CAMSAP1: variants seen among roughly 807,000 people sequenced by gnomAD.
The protein encoded by CAMSAP1 is calmodulin-regulated spectrin-associated protein 1.
Under a neutral mutation model 143.5 loss-of-function variants are expected in CAMSAP1, and 58 were observed. The observed-to-expected ratio is 0.40, with a 90% CI of 0.33 to 0.50. The LOEUF is 0.50. CAMSAP1 is among the 20% of genes least tolerant of loss of function. CAMSAP1 has a pLI of 0.45. For missense variants in CAMSAP1, 1,969 were observed against 2,115.7 expected (o/e 0.93, Z 1.36); for synonymous variants, 945 against 859.3 (o/e 1.10, Z -1.74).
At chr9:135,813,662 T>C (rs1055297382) in intron 16 of CAMSAP1, among the ~76,000 whole-genome samples, 2 of 152,182 alleles carry the variant, frequency 1.3e-5, no homozygotes, top group Admixed American at 1.3e-4. Context: ...TGGGCGGCCC[T>C]TGGTGGGCAC....
intron 7 of CAMSAP1, among the ~76,000 whole-genome samples, chr9:135,846,869 A>G (rs1305810880): frequency 1.3e-5 from 2 of 152,186 alleles, no homozygotes; most frequent in African/African-American, 2.4e-5. Context: ...CGATCATTAA[A>G]GTCAGGCAAC....
chr9:135,881,485 C>T, intron 3 of CAMSAP1, 148 bp downstream of exon 3: 1 of 893,146 alleles, frequency 1.1e-6, no homozygotes, highest in Non-Finnish European at 1.7e-6. Flanking sequence ...TTTTTAACTA[C>T]AGCAGACACA....
At chr9:135,904,389 AC>A (rs1262071729) in intron 1 of CAMSAP1, among the ~76,000 whole-genome samples, 1 of 116,334 alleles carries the variant, frequency 8.6e-6, no homozygotes, top group Non-Finnish European at 1.7e-5. Flanking sequence ...ACAGAGCGAG[AC>A]CCTGTCCTCC....
chr9:135,832,104 T>C (rs1003989239), intron 7 of CAMSAP1, among the ~76,000 whole-genome samples: 3 of 152,100 alleles, frequency 2.0e-5, no homozygotes, highest in Non-Finnish European at 2.9e-5. Context: ...AAGGCAGACA[T>C]AGACACCAGA....
At position 135,821,471 on chromosome 9, in the gene CAMSAP1, A is replaced by G; in HGVS notation, c.3190T>C (p.Ser1064Pro). The stretch of plus-strand genomic sequence containing the variant: ...GGTGCCTTCACTTTGTGGTCCTGCG[A>G]GTTATTCTTAGAGCCTGGCACTGGG... ...TVPVPGSKNN[S>P]QDHKVKAPVH... is the part of the protein sequence containing the mutation. Residue 1064 changes from serine to proline, a missense_variant, in exon 11 of 17, where the codon TCG becomes CCG. By Grantham distance (74) the Ser-to-Pro change is moderately conservative. Transcript: ENST00000389532. This position sits in a 1 kb window ranked among gnomAD's most constrained non-coding sequence, Gnocchi z 4.6. 6.2e-7 allele frequency: 1 copy of G among 1,613,948 alleles called. No individual in the cohort carries two copies. The highest frequency in any genetic ancestry group is 8.5e-7 in the Non-Finnish European group (1 of 1,179,874).
intron 5 of CAMSAP1, 54 bp from the exon 6 acceptor site, chr9:135,850,515 G>A: frequency 7.1e-7 from 1 of 1,402,552 alleles, no homozygotes; most frequent in Non-Finnish European, 9.6e-7. Context: ...TGCTTCGAGA[G>A]AGAGAGAAGC....
At chr9:135,841,159 G>T (rs1456617131) in intron 7 of CAMSAP1, among the ~76,000 whole-genome samples, 1 of 152,156 alleles carries the variant, frequency 6.6e-6, no homozygotes, top group Non-Finnish European at 1.5e-5. Context: ...CGAGCTTGGT[G>T]GGAGGAGGGA....
Position 135,824,863 on chromosome 9 carries a change from G to A in CAMSAP1, c.1241C>T (p.Ala414Val). 3 of 1,598,532 alleles carry A rather than the reference G, an allele frequency of 1.9e-6. No homozygotes were observed. Among genetic ancestry groups the A allele is most frequent in the Non-Finnish European group, 2.6e-6 (3 of 1,172,386 alleles). The change falls in exon 9 of 17, where the codon GCC becomes GTC. Residue 414 changes from alanine (A) to valine (V), a missense_variant. Transcript: ENST00000389532. This position sits in a 1 kb window ranked among gnomAD's most constrained non-coding sequence, Gnocchi z 4.1. ...EPEYLGKGTA[A>V]FSPSHPLLPL... is the part of the protein sequence containing the mutation. ...CAATAAAGGATGGGATGGGCTGAAG[G>A]CAGCAGTTCCTTTCCCGCTAAATGG...
Position 135,907,255 on chromosome 9 carries a change from C to T in CAMSAP1, c.-96G>A, listed in dbSNP as rs1361789829. ...CGGTGCGCCCCGAGCCACCACTCGG[C>T]CCCGCAGCCGGCCAGCCGGGAGGGG... On this transcript the variant is annotated 5_prime_UTR_variant, in exon 1 of 17. Transcript: ENST00000389532. The T allele has an allele frequency of 4.8e-6, 4 of 837,144 alleles. No individual in the cohort carries two copies. The highest frequency in any genetic ancestry group is 1.1e-4 in the South Asian group (2 of 18,550). The allele number at this position is 837,144 out of a possible 1,614,324, so 51.9% of individuals were successfully genotyped here. A position where few individuals can be genotyped will look rare whatever the true frequency, so the allele number is the denominator to read the frequency against.
At chr9:135,900,958 T>C (rs1187545136) in intron 1 of CAMSAP1, among the ~76,000 whole-genome samples, 1 of 152,010 alleles carries the variant, frequency 6.6e-6, no homozygotes, top group Non-Finnish European at 1.5e-5. Flanking sequence ...TTCACCATGT[T>C]GGCCGGGCTG....
chr9:135,883,708 T>A (rs1055818668), intron 1 of CAMSAP1, among the ~76,000 whole-genome samples: 1 of 152,190 alleles, frequency 6.6e-6, no homozygotes, highest in South Asian at 2.1e-4. Flanking sequence ...CCAGGCAGCA[T>A]CAAACTCTTG....
chr9:135,850,268 A>T, intron 6 of CAMSAP1, 35 bp from the exon 7 acceptor site: 1 of 1,613,080 alleles, frequency 6.2e-7, no homozygotes, highest in South Asian at 1.1e-5. Context: ...AAGTATGATA[A>T]GCAGTTTATT....
intron 4 of CAMSAP1, among the ~76,000 whole-genome samples, chr9:135,863,289 A>C (rs1837263211): frequency 6.6e-6 from 1 of 152,192 alleles, no homozygotes; most frequent in Non-Finnish European, 1.5e-5. Context: ...TCAAACCCTC[A>C]GATCTGCCCC....
chr9:135,813,514 T>A (rs1285348949), intron 16 of CAMSAP1, among the ~76,000 whole-genome samples: 1 of 152,218 alleles, frequency 6.6e-6, no homozygotes, highest in Non-Finnish European at 1.5e-5. Context: ...AAACATTTAA[T>A]TTGTAGCGAC....
At position 135,822,730 on chromosome 9, in the gene CAMSAP1, C is replaced by A. The variant is rs369094948; in HGVS notation, c.1931G>T (p.Arg644Leu). ...PLVRRKMTGS[R>L]DLNRTFTPIP... is the part of the protein sequence containing the mutation. ...CGGGGTAAAAGTCCTATTCAAGTCG[C>A]GACTGCCAGTCATTTTCCTTCGTAC... The change falls in exon 11 of 17, where the codon CGC becomes CTC. Residue 644 changes from arginine (R) to leucine (L), a missense_variant. Arg to Leu is a moderately radical substitution (Grantham distance 102). Transcript: ENST00000389532. The surrounding 1 kb of genome is among the most constrained non-coding windows in gnomAD (Gnocchi z 6.1). 1 of 1,612,260 alleles carries A rather than the reference C, an allele frequency of 6.2e-7. No individual in the cohort carries two copies. The highest frequency in any genetic ancestry group is 1.7e-5 in the Admixed American group (1 of 59,848).
At chr9:135,865,490 C>T in intron 4 of CAMSAP1, 1 of 858,480 alleles carries the variant, frequency 1.2e-6, no homozygotes, top group South Asian at 1.6e-5. Flanking sequence ...CTCTGGTAAG[C>T]AAAGTCTTCT....
At chr9:135,866,882 A>G (rs1405745174) in intron 3 of CAMSAP1, among the ~76,000 whole-genome samples, 1 of 152,210 alleles carries the variant, frequency 6.6e-6, no homozygotes, top group Non-Finnish European at 1.5e-5. Flanking sequence ...AGCAAATGCC[A>G]CTTACAAAAC....
rs1477974401 is a variant in CAMSAP1, at chr9:135,821,854, G to A, written c.2807C>T (p.Ala936Val). ...CCCGTTGTGCTGAGAGTACTCCTTTGCAAAGTGCTCCGGCCTGAGGGGTGG... is the reference window on the plus strand; with the variant it reads ...CCCGTTGTGCTGAGAGTACTCCTTTACAAAGTGCTCCGGCCTGAGGGGTGG... Reference protein sequence around the residue: ...AAPPLRPEHFAKEYSQHNGED... With the variant: ...AAPPLRPEHFVKEYSQHNGED... The change falls in exon 11 of 17, where the codon GCA becomes GTA. Residue 936 changes from alanine to valine, a missense_variant. Ala to Val is a moderately conservative substitution (Grantham distance 64, BLOSUM62 0). Around this residue, in one of 4 missense-constraint regions of CAMSAP1, gnomAD observed 1,390 missense variants for 1,420.8 expected, o/e 0.98. Coordinates refer to ENST00000389532, the MANE Select transcript of CAMSAP1 (RefSeq NM_015447.4). This position sits in a 1 kb window ranked among gnomAD's most constrained non-coding sequence, Gnocchi z 4.6. 6.2e-6 allele frequency: 10 copies of A among 1,613,930 alleles called. No individual in the cohort carries two copies. The highest frequency in any genetic ancestry group is 8.5e-6 in the Non-Finnish European group (10 of 1,179,914).
At position 135,811,023 on chromosome 9, in the gene CAMSAP1, G is replaced by T. The variant is rs766452990; in HGVS notation, c.*286C>A. On this transcript the variant is annotated 3_prime_UTR_variant, in exon 17 of 17. Coordinates refer to ENST00000389532, the MANE Select transcript of CAMSAP1 (RefSeq NM_015447.4). The surrounding 1 kb of genome is among the most constrained non-coding windows in gnomAD (Gnocchi z 4.9). ...CCTGGCTGTGAACACCCTCCGCTGG[G>T]AGCCTCAGTGGTCAGCAGTGGCCAC... 4.6e-6 allele frequency: 2 copies of T among 432,526 alleles called. No individual in the cohort carries two copies. The highest frequency in any genetic ancestry group is 4.2e-6 in the Non-Finnish European group (1 of 239,850). 26.8% of individuals were successfully genotyped at this position (432,526 alleles called of 1,614,324 possible).
Sources: allele counts gnomAD v4.1 joint callset (sites outside exome capture counted in the v4.1 genomes callset), GRCh38; gene constraint gnomAD v4.1.1; regional missense constraint gnomAD v4.1.1; non-coding constraint Gnocchi (gnomAD v3.1); transcripts MANE v1.5; gene names NCBI Gene and HGNC (gene_info 2026-07-23, HGNC 2026-07-21).